The following NCAM2 variants were observed in gnomAD, a reference collection of about 807,000 sequenced individuals.
NCAM2 encodes N-CAM-2.
NCAM2 carries 30 observed loss-of-function variants against 98.1 expected under a neutral mutation model. The observed-to-expected ratio is 0.31, with a 90% confidence interval of 0.23 to 0.41. The LOEUF is 0.41. Ranked by LOEUF, NCAM2 falls within the 10% of genes least tolerant of loss-of-function variation. The pLI is 1.00. For missense variants in NCAM2, 867 were observed against 1,005.8 expected, an observed-to-expected ratio of 0.86 and a Z score of 1.87; for synonymous variants, 368 against 342.4, an observed-to-expected ratio of 1.07 and a Z score of -0.83.
At chr21:21,341,148 C>T (rs953906822) in intron 8 of NCAM2, among the ~76,000 whole-genome samples, 3 of 152,040 alleles carry the variant, frequency 2.0e-5, no homozygotes, top group Non-Finnish European at 2.9e-5. Context: ...ACGCTTGAAG[C>T]ATAGTTTATC....
chr21:21,313,324 T>C (rs1189947676), intron 5 of NCAM2, among the ~76,000 whole-genome samples: 1 of 152,018 alleles, frequency 6.6e-6, no homozygotes, highest in African/African-American at 2.4e-5. Context: ...ATTGTGAATT[T>C]GTTCCAATTT....
At chr21:21,387,279 C>A (rs551194268) in intron 9 of NCAM2, among the ~76,000 whole-genome samples, 1 of 152,110 alleles carries the variant, frequency 6.6e-6, no homozygotes, top group Non-Finnish European at 1.5e-5. Context: ...ACAGGTGTTT[C>A]ACCCTCATAA....
chr21:21,102,903 T>A (rs1452852028), intron 1 of NCAM2, among the ~76,000 whole-genome samples: 1 of 152,100 alleles, frequency 6.6e-6, no homozygotes, highest in African/African-American at 2.4e-5. Context: ...ATGTAATATA[T>A]CCTAATCTCT....
intron 11 of NCAM2, 44 bp downstream of exon 11, chr21:21,418,613 T>C: frequency 7.4e-7 from 1 of 1,347,226 alleles, no homozygotes; most frequent in Non-Finnish European, 1.1e-6. Context: ...ACAATATTTC[T>C]GAGAGCAAAT....
At chr21:21,196,533 A>T (rs1429091024) in intron 1 of NCAM2, among the ~76,000 whole-genome samples, 1 of 152,186 alleles carries the variant, frequency 6.6e-6, no homozygotes, top group African/African-American at 2.4e-5. Flanking sequence ...AAATTGTGAC[A>T]TAAGATGTAT....
chr21:21,092,536 C>T (rs541575270), intron 1 of NCAM2, among the ~76,000 whole-genome samples: 17 of 151,892 alleles, frequency 1.1e-4, no homozygotes, highest in African/African-American at 3.9e-4. Flanking sequence ...ATAGAAACTA[C>T]CTGCTTTGAT....
chr21:21,398,636 G>C (rs888814020), intron 9 of NCAM2, among the ~76,000 whole-genome samples: 1 of 152,158 alleles, frequency 6.6e-6, no homozygotes, highest in Non-Finnish European at 1.5e-5. Flanking sequence ...ATCTTTAAAA[G>C]GTTTTAAGCA....
At chr21:21,235,318 A>G (rs1261405018) in intron 1 of NCAM2, among the ~76,000 whole-genome samples, 1 of 152,050 alleles carries the variant, frequency 6.6e-6, no homozygotes, top group African/African-American at 2.4e-5. Flanking sequence ...TGAGATTGAA[A>G]TGTTACAGGA....
intron 11 of NCAM2, among the ~76,000 whole-genome samples, chr21:21,430,040 A>G (rs921591797): frequency 5.3e-5 from 8 of 151,786 alleles, no homozygotes; most frequent in Non-Finnish European, 1.2e-4. Context: ...GTATTTATTT[A>G]TTTTTGAGAT....
At chr21:21,296,081 TA>T (rs2073469015) in intron 5 of NCAM2, among the ~76,000 whole-genome samples, 1 of 151,856 alleles carries the variant, frequency 6.6e-6, no homozygotes, top group Admixed American at 6.6e-5. Context: ...GTGCTGGCTA[TA>T]TGTTTTACAC....
intron 1 of NCAM2, among the ~76,000 whole-genome samples, chr21:21,204,333 A>G (rs1032178481): frequency 1.3e-5 from 2 of 152,028 alleles, no homozygotes; most frequent in African/African-American, 2.4e-5. Flanking sequence ...TGCTGGATTT[A>G]TTTATGTGGT....
rs145330526 is a variant in NCAM2, at chr21:21,087,782, C to T, written c.55+89164C>T. On this transcript the variant is annotated intron_variant, in intron 1 of 17. Coordinates refer to ENST00000400546, the MANE Select transcript of NCAM2 (RefSeq NM_004540.5). ...TGGTCTTGCAATTCAGACCAGTCTT[C>T]TGTTTGGCTCTTTCTTTGGCCCCTG... is the stretch of plus-strand genomic sequence containing the variant. Among the ~76,000 whole-genome samples the T allele has an allele frequency of 4.4e-4, 67 of 152,192 alleles. 1 individual carries two copies. The highest frequency in any genetic ancestry group is 1.5e-3 in the African/African-American group (63 of 41,550).
At chr21:21,423,368 G>C (rs971104878) in intron 11 of NCAM2, among the ~76,000 whole-genome samples, 2 of 152,080 alleles carry the variant, frequency 1.3e-5, no homozygotes, top group Non-Finnish European at 2.9e-5. Context: ...CACATGACAA[G>C]TACTCAACAA....
intron 9 of NCAM2, among the ~76,000 whole-genome samples, chr21:21,390,194 G>C (rs9978228): frequency 0.13 from 19,378 of 152,000 alleles, 1,625 homozygotes; most frequent in East Asian, 0.3. Context: ...TTATACCACT[G>C]TAAATATATT....
chr21:21,056,108 G>A (rs780258097), intron 1 of NCAM2, among the ~76,000 whole-genome samples: 2 of 151,714 alleles, frequency 1.3e-5, no homozygotes, highest in African/African-American at 4.8e-5. Flanking sequence ...CTATCTTTAC[G>A]CATAGCAATA....
chr21:21,390,474 C>G (rs147825665), intron 9 of NCAM2, among the ~76,000 whole-genome samples: 87 of 152,142 alleles, frequency 5.7e-4, no homozygotes, highest in African/African-American at 1.7e-3. Context: ...GAAAGGGGTA[C>G]AAAGGCAGAA....
intron 1 of NCAM2, among the ~76,000 whole-genome samples, chr21:21,248,917 A>G (rs894664666): frequency 7.3e-5 from 11 of 150,568 alleles, no homozygotes; most frequent in Admixed American, 6.0e-4. Flanking sequence ...CATTTAACCT[A>G]TTGGGTTAAC....
chr21:21,248,897 T>G (rs1231003858), intron 1 of NCAM2, among the ~76,000 whole-genome samples: 2 of 151,244 alleles, frequency 1.3e-5, no homozygotes, highest in Non-Finnish European at 2.9e-5. Context: ...CACTTTATCT[T>G]GAATAATGGC....
chr21:21,365,996 T>C (rs1486612195), intron 8 of NCAM2, among the ~76,000 whole-genome samples: 2 of 151,922 alleles, frequency 1.3e-5, no homozygotes, highest in African/African-American at 4.8e-5. Flanking sequence ...AAGGTGAATA[T>C]ATCCTTTGAC....
Sources: gnomAD v4.1 joint callset for allele counts (sites outside exome capture counted in the v4.1 genomes callset) on GRCh38, gnomAD v4.1.1 for gene constraint, MANE v1.5 for transcripts, NCBI Gene and HGNC (gene_info 2026-07-23, HGNC 2026-07-21) for gene names.